Variants in CTTNBP2NL observed in about 807,000 individuals in gnomAD.
CTTNBP2NL encodes CTTNBP2 N-terminal like, also known as CTTNBP2 N-terminal-like protein.
In CTTNBP2NL, 16 loss-of-function variants were observed where a neutral mutation model predicts 32.5. That is an observed-to-expected ratio of 0.49 (90% CI 0.33 to 0.75). The LOEUF (loss-of-function observed/expected upper bound fraction) is 0.75. Among genes scored for constraint, CTTNBP2NL ranks in the 30% least tolerant of loss-of-function variants. CTTNBP2NL has a pLI of 0.02. For missense variants in CTTNBP2NL, 645 were observed against 756.0 expected (o/e 0.85, Z 1.72); for synonymous variants, 298 against 289.4 (o/e 1.03, Z -0.30).
At chr1:112,419,504 T>C (rs1649161422) in intron 3 of CTTNBP2NL, among the ~76,000 whole-genome samples, 1 of 152,122 alleles carries the variant, frequency 6.6e-6, no homozygotes, top group South Asian at 2.1e-4. Flanking sequence ...GTTAGTACTC[T>C]GTGTTGTGCC....
chr1:112,432,780 C>T (rs1649606267), intron 3 of CTTNBP2NL, among the ~76,000 whole-genome samples: 1 of 150,572 alleles, frequency 6.6e-6, no homozygotes, highest in Non-Finnish European at 1.5e-5. Context: ...CCTTCTCAAT[C>T]TTGCCATCCT....
At chr1:112,402,357 G>A (rs1259938941) in intron 1 of CTTNBP2NL, among the ~76,000 whole-genome samples, 2 of 152,308 alleles carry the variant, frequency 1.3e-5, no homozygotes, top group Middle Eastern at 6.8e-3. Context: ...GGCGGAGATT[G>A]TGGTGAGCCA....
At chr1:112,428,155 G>A (rs1340831566) in intron 3 of CTTNBP2NL, among the ~76,000 whole-genome samples, 3 of 152,010 alleles carry the variant, frequency 2.0e-5, no homozygotes, top group Non-Finnish European at 4.4e-5. Context: ...GAAATTTGTA[G>A]TTTGAGTGTT....
At chr1:112,421,094 T>G (rs1649214191) in intron 3 of CTTNBP2NL, among the ~76,000 whole-genome samples, 1 of 152,066 alleles carries the variant, frequency 6.6e-6, no homozygotes. Context: ...GAACAGAGGT[T>G]CAAAGTCCAT....
rs34842059 is a variant in CTTNBP2NL, at chr1:112,452,645, C to CTTTTTTTTTTTTTTTTTTT, written c.331-1791_331-1790insTTTTTTTTTTTTTTTTTTT. On this transcript the variant is annotated intron_variant, in intron 4 of 5. Transcript: ENST00000271277. ...AGGCATGAGCCACCACTCCTGGCCT[C>CTTTTTTTTTTTTTTTTTTT]TTTTTTTTTTTTTGAGACAAAGTCT... 9.6e-4 allele frequency among the ~76,000 whole-genome samples: 128 copies of CTTTTTTTTTTTTTTTTTTT among 133,088 alleles called. 4 individuals are homozygous for CTTTTTTTTTTTTTTTTTTT. The highest frequency in any genetic ancestry group is 3.7e-3 in the African/African-American group (118 of 32,210). The allele number at this position is 133,088 out of a possible 152,430, so 87.3% of individuals were successfully genotyped here.
At chr1:112,429,121 C>G (rs927571106) in intron 3 of CTTNBP2NL, among the ~76,000 whole-genome samples, 1 of 152,172 alleles carries the variant, frequency 6.6e-6, no homozygotes, top group African/African-American at 2.4e-5. Flanking sequence ...GTTGAATTCT[C>G]TGTACCCTTG....
Position 112,456,865 on chromosome 1 carries a change from G to A in CTTNBP2NL, c.1373G>A (p.Arg458Gln), listed in dbSNP as rs369269019. ...TCGTACCAAGTAGGGATCAACCAAC[G>A]GTTCCATGCAGCTCGCCACAAATTT... ...QSSYQVGINQ[R>Q]FHAARHKFQS... is the part of the protein sequence containing the mutation. Residue 458 changes from arginine (R) to glutamine (Q), a missense_variant, in exon 6 of 6, where the codon CGG becomes CAG. Transcript: ENST00000271277. The A allele has an allele frequency of 3.4e-5, 55 of 1,613,986 alleles. No individual in the cohort carries two copies. Among genetic ancestry groups the A allele is most frequent in the Non-Finnish European group, 4.4e-5 (52 of 1,180,046 alleles).
intron 1 of CTTNBP2NL, among the ~76,000 whole-genome samples, chr1:112,399,691 G>C (rs1390458621): frequency 6.6e-6 from 1 of 152,186 alleles, no homozygotes; most frequent in Non-Finnish European, 1.5e-5. Flanking sequence ...GCAGAGATAT[G>C]CTTCTAGAGG....
chr1:112,417,201 T>C (rs1406659383), intron 3 of CTTNBP2NL, among the ~76,000 whole-genome samples: 1 of 152,228 alleles, frequency 6.6e-6, no homozygotes, highest in African/African-American at 2.4e-5. Context: ...TGTACAAACC[T>C]GTAGTGCTTT....
At chr1:112,450,244 C>T (rs1490522369) in intron 4 of CTTNBP2NL, among the ~76,000 whole-genome samples, 2 of 152,138 alleles carry the variant, frequency 1.3e-5, no homozygotes, top group Non-Finnish European at 2.9e-5. Flanking sequence ...AAATGAAAGG[C>T]CAGAGTGGAA....
At chr1:112,393,490 C>A (rs1648232492), upstream of CTTNBP2NL, among the ~76,000 whole-genome samples, 1 of 152,118 alleles carries the variant, frequency 6.6e-6, no homozygotes, top group Non-Finnish European at 1.5e-5. Context: ...TTTTGTTATA[C>A]AAATCTAAGA....
chr1:112,442,220 G>C (rs1428936825), intron 3 of CTTNBP2NL, among the ~76,000 whole-genome samples: 2 of 151,800 alleles, frequency 1.3e-5, no homozygotes, highest in Non-Finnish European at 2.9e-5. Context: ...CTGCCTCCCA[G>C]GTTCAAGCAA....
intron 3 of CTTNBP2NL, among the ~76,000 whole-genome samples, chr1:112,441,746 G>A (rs911096511): frequency 2.6e-5 from 4 of 152,174 alleles, no homozygotes; most frequent in South Asian, 2.1e-4. Flanking sequence ...TCTAGTGGCT[G>A]TATAGTGGTA....
intron 1 of CTTNBP2NL, among the ~76,000 whole-genome samples, chr1:112,410,405 A>C (rs1157583481): frequency 6.6e-6 from 1 of 152,018 alleles, no homozygotes; most frequent in Non-Finnish European, 1.5e-5. Context: ...AAAAAAAAAA[A>C]AGTGTTATAC....
At chr1:112,419,708 T>C (rs1265224597) in intron 3 of CTTNBP2NL, among the ~76,000 whole-genome samples, 1 of 152,168 alleles carries the variant, frequency 6.6e-6, no homozygotes, top group Non-Finnish European at 1.5e-5. Flanking sequence ...CCATACATAC[T>C]AATAAGCCTG....
intron 3 of CTTNBP2NL, among the ~76,000 whole-genome samples, chr1:112,443,453 A>C (rs1176567963): frequency 6.6e-6 from 1 of 152,194 alleles, no homozygotes; most frequent in Non-Finnish European, 1.5e-5. Flanking sequence ...ACCTGAAGTC[A>C]TCTGCCCACC....
intron 3 of CTTNBP2NL, among the ~76,000 whole-genome samples, chr1:112,447,303 G>C (rs1353311180): frequency 1.4e-5 from 2 of 143,442 alleles, no homozygotes; most frequent in African/African-American, 5.1e-5. Flanking sequence ...AAAAAGTAGA[G>C]TTTCATCTTA....
chr1:112,394,908 C>T (rs1409540568), upstream of CTTNBP2NL, among the ~76,000 whole-genome samples: 1 of 152,210 alleles, frequency 6.6e-6, no homozygotes, highest in Non-Finnish European at 1.5e-5. Flanking sequence ...GTCTATCCTA[C>T]ACTGTAGGAT....
At chr1:112,414,493 A>C (rs1648999967) in intron 2 of CTTNBP2NL, among the ~76,000 whole-genome samples, 1 of 152,232 alleles carries the variant, frequency 6.6e-6, no homozygotes, top group African/African-American at 2.4e-5. Context: ...ATACATGTTC[A>C]CTTAAAAGCA....
Sources: gnomAD v4.1 joint callset for allele counts (sites outside exome capture counted in the v4.1 genomes callset) on GRCh38, gnomAD v4.1.1 for gene constraint, MANE v1.5 for transcripts, NCBI Gene and HGNC (gene_info 2026-07-23, HGNC 2026-07-21) for gene names.